EVC2: variants seen among roughly 807,000 people sequenced by gnomAD.
The protein encoded by EVC2 is limbin.
In EVC2, 148 loss-of-function variants were observed where a neutral mutation model predicts 149.3. The ratio of observed to expected loss-of-function variants is 0.99; its 90% CI spans 0.87 to 1.14. The LOEUF (loss-of-function observed/expected upper bound fraction) is 1.14, where lower values mean the gene tolerates loss of function less well. Ranked by LOEUF, EVC2 falls within the 50% of genes most tolerant of loss-of-function variation. The probability of loss-of-function intolerance (pLI) is 0.00; values close to 1 mark genes in which losing one functional copy is unlikely to be tolerated. For missense variants in EVC2, 1,854 were observed against 1,627.3 expected (o/e 1.14, Z -2.40); for synonymous variants, 776 against 649.9 (o/e 1.19, Z -2.95).
At chr4:5,698,589 A>G (rs1344833854) in intron 1 of EVC2, among the ~76,000 whole-genome samples, 1 of 152,222 alleles carries the variant, frequency 6.6e-6, no homozygotes, top group Non-Finnish European at 1.5e-5. Flanking sequence ...TCTCTACTGA[A>G]TAACAGTAAA....
At chr4:5,548,019 C>T (rs902114500) in intron 21 of EVC2, among the ~76,000 whole-genome samples, 36 of 152,242 alleles carry the variant, frequency 2.4e-4, no homozygotes, top group African/African-American at 7.0e-4. Context: ...CGCAGAGAGT[C>T]GGTGCCCACG....
At chr4:5,593,437 G>C (rs909769281) in intron 16 of EVC2, among the ~76,000 whole-genome samples, 2 of 152,140 alleles carry the variant, frequency 1.3e-5, no homozygotes, top group African/African-American at 4.8e-5. Flanking sequence ...TTTCTTCTTA[G>C]GAGGTGAGAA....
chr4:5,568,761 T>C, intron 19 of EVC2, 121 bp from the exon 20 acceptor site: 1 of 1,198,362 alleles, frequency 8.3e-7, no homozygotes, highest in Non-Finnish European at 1.2e-6. Flanking sequence ...AGTAGCTTAG[T>C]CTGGAAAACA....
At chr4:5,549,274 CT>C (rs1721687872) in intron 21 of EVC2, among the ~76,000 whole-genome samples, 1 of 152,174 alleles carries the variant, frequency 6.6e-6, no homozygotes, top group Non-Finnish European at 1.5e-5. Flanking sequence ...CGGGAGTTTG[CT>C]TTCTATTTTA....
At chr4:5,662,407 TAAAA>T (rs148664627) in intron 9 of EVC2, among the ~76,000 whole-genome samples, 19,774 of 147,894 alleles carry the variant, frequency 0.13, 1,435 homozygotes, top group Non-Finnish European at 0.15. Context: ...TAAAAATAAA[TAAAA>T]AAATTGTTAT....
intron 6 of EVC2, among the ~76,000 whole-genome samples, chr4:5,683,026 T>C (rs1416346024): frequency 6.6e-6 from 1 of 152,228 alleles, no homozygotes; most frequent in East Asian, 1.9e-4. Flanking sequence ...ACAGATGTTA[T>C]GGCAGCAGTG....
At chr4:5,596,675 C>A (rs1018752998) in intron 16 of EVC2, among the ~76,000 whole-genome samples, 9 of 152,022 alleles carry the variant, frequency 5.9e-5, no homozygotes, top group African/African-American at 2.2e-4. Context: ...GAAGTAAGAG[C>A]AAACACATTC....
rs1004010047 is a variant in EVC2, at chr4:5,651,507, G to C, written c.1146-10669C>G. The stretch of plus-strand genomic sequence containing the variant: ...GGGTGGGTGGGTAGATGGATGGATG[G>C]ATTAGTGGATGAATGAATGACTGAT... On this transcript the variant is annotated intron_variant, in intron 9 of 21. Coordinates refer to ENST00000344408, the MANE Select transcript of EVC2 (RefSeq NM_147127.5). Among the ~76,000 whole-genome samples the C allele has an allele frequency of 9.8e-4, 149 of 152,188 alleles. 1 individual carries two copies. Among genetic ancestry groups the C allele is most frequent in the African/African-American group, 3.4e-3 (139 of 41,446 alleles).
At chr4:5,653,636 T>C (rs951612330) in intron 9 of EVC2, among the ~76,000 whole-genome samples, 1 of 152,306 alleles carries the variant, frequency 6.6e-6, no homozygotes, top group East Asian at 1.9e-4. Context: ...CTGTGAACTT[T>C]AGCTAATAAT....
rs549845869 is a variant in EVC2 at position 5,618,742 on chromosome 4, G to A, written c.2502-60C>T. The stretch of plus-strand genomic sequence containing the variant: ...GAGAAAGCCTGGGGGCTGGGCTGGG[G>A]TGAAGAAGCCAGAGATGCAAAGCTC... On this transcript the variant is annotated intron_variant, in intron 14 of 21. Coordinates refer to ENST00000344408, the MANE Select transcript of EVC2 (RefSeq NM_147127.5). The surrounding 1 kb of genome is among the most constrained non-coding windows in gnomAD (Gnocchi z 4.4). 7 of 1,495,278 alleles carry A rather than the reference G, an allele frequency of 4.7e-6. No individual in the cohort carries two copies. In the South Asian group the frequency reaches 4.8e-5, roughly 10 times the overall value. The allele number at this position is 1,495,278 out of a possible 1,614,324, so 92.6% of individuals were successfully genotyped here.
chr4:5,626,616 G>A (rs547310206), intron 12 of EVC2, among the ~76,000 whole-genome samples: 3 of 152,238 alleles, frequency 2.0e-5, no homozygotes, highest in African/African-American at 4.8e-5. Flanking sequence ...TTACAGGCGT[G>A]AGCTACTGCG....
chr4:5,658,403 G>A (rs1370412178), intron 9 of EVC2, among the ~76,000 whole-genome samples: 2 of 152,168 alleles, frequency 1.3e-5, no homozygotes, highest in African/African-American at 4.8e-5. Flanking sequence ...AATAAAAAGA[G>A]TAGTAGTTGT....
intron 9 of EVC2, among the ~76,000 whole-genome samples, chr4:5,642,255 C>A (rs1717387139): frequency 6.6e-6 from 1 of 152,144 alleles, no homozygotes; most frequent in African/African-American, 2.4e-5. Context: ...AGTAGAAGGT[C>A]ATCATTCAAT....
In EVC2 at chr4:5,562,833, G is replaced by C. The variant is rs200157468; in HGVS notation, c.*15C>G. On this transcript the variant is annotated 3_prime_UTR_variant, in exon 22 of 22. Transcript: ENST00000344408. This position sits in a 1 kb window ranked among gnomAD's most constrained non-coding sequence, Gnocchi z 4.3. ...CCTTCTCTCTTCAGATGCTCCCGCA[G>C]GTCTTTCCCTTGGGCTAGTCCATGC... 6.2e-7 allele frequency: 1 copy of C among 1,613,314 alleles called. No homozygotes were observed.
rs549071735 is a variant in EVC2 at position 5,605,761 on chromosome 4, T to C, written c.2829+9661A>G. ...CTTGCCCCAAGCTGAGGAGACTGGC[T>C]TGAGGCCAGTGCAGGTGGCCAGAAT... On this transcript the variant is annotated intron_variant, in intron 16 of 21. Coordinates refer to ENST00000344408, the MANE Select transcript of EVC2 (RefSeq NM_147127.5). Among the ~76,000 whole-genome samples, 3 of 152,252 alleles carry C rather than the reference T, an allele frequency of 2.0e-5. No individual in the cohort carries two copies. The South Asian group carries it at 6.2e-4, about 32-fold the overall frequency.
chr4:5,640,623 A>G lies in EVC2; in HGVS notation c.1361T>C (p.Leu454Ser). 2 of 1,614,066 alleles carry G rather than the reference A, an allele frequency of 1.2e-6. No homozygotes were observed. ...QEEYDRKMVA[L>S]TAECDLETRK... ...TGTTTCCAGGTCACATTCAGCTGTC[A>G]ATGCCACCATCTTCCGATCGTACTC... is the stretch of plus-strand genomic sequence containing the variant. Residue 454 changes from leucine to serine, a missense_variant, in exon 10 of 22, where the codon TTG (leucine) becomes TCG (serine). By Grantham distance (145) the Leu-to-Ser change is moderately radical. Coordinates refer to ENST00000344408, the MANE Select transcript of EVC2 (RefSeq NM_147127.5). The surrounding 1 kb of genome is among the most constrained non-coding windows in gnomAD (Gnocchi z 4.6).
chr4:5,545,571 A>C (rs1271043494), intron 21 of EVC2, among the ~76,000 whole-genome samples: 1 of 152,222 alleles, frequency 6.6e-6, no homozygotes, highest in African/African-American at 2.4e-5. Flanking sequence ...GCAAGAGAAG[A>C]GGCTGGACCA....
intron 9 of EVC2, among the ~76,000 whole-genome samples, chr4:5,655,919 G>T (rs893878773): frequency 5.9e-5 from 9 of 152,086 alleles, no homozygotes; most frequent in African/African-American, 2.2e-4. Context: ...CTCACAACAG[G>T]TCATGAAGTG....
chr4:5,613,522 C>G lies in EVC2; in HGVS notation c.2829+1900G>C, dbSNP rs1482976926. On this transcript the variant is annotated intron_variant, in intron 16 of 21. Transcript: ENST00000344408. The surrounding 1 kb of genome is among the most constrained non-coding windows in gnomAD (Gnocchi z 4.6). Reference sequence around the variant, plus strand: ...CAGGACCCGACCTCTCTCCAGCTCTCTCCTCTTCTTGCTGTAAACTGGGAA... The same window carrying G: ...CAGGACCCGACCTCTCTCCAGCTCTGTCCTCTTCTTGCTGTAAACTGGGAA... Among the ~76,000 whole-genome samples, 1 of 152,150 alleles carries G rather than the reference C, an allele frequency of 6.6e-6. No individual in the cohort carries two copies.
Sources: allele counts gnomAD v4.1 joint callset (sites outside exome capture counted in the v4.1 genomes callset), GRCh38; gene constraint gnomAD v4.1.1; non-coding constraint Gnocchi (gnomAD v3.1); transcripts MANE v1.5; gene names NCBI Gene and HGNC (gene_info 2026-07-23, HGNC 2026-07-21).